Variants in MFHAS1 observed in about 807,000 individuals in gnomAD.
MFHAS1 encodes the protein malignant fibrous histiocytoma-amplified sequence 1.
Under a neutral mutation model 70.4 loss-of-function variants are expected in MFHAS1, and 50 were observed. The observed-to-expected ratio is 0.71, with a 90% CI of 0.57 to 0.90. The LOEUF (loss-of-function observed/expected upper bound fraction) is 0.90. MFHAS1 is among the 40% of genes least tolerant of loss of function. The pLI is 0.00. For synonymous variants in MFHAS1, 952 were observed against 620.0 expected (o/e 1.54, Z -7.96); for missense variants, 1,795 against 1,347.6 (o/e 1.33, Z -5.20).
chr8:8,785,955 G>C lies in MFHAS1; in HGVS notation c.*67C>G. Reference sequence around the variant, plus strand: ...TGGGGTGAGTGCAGAGGGTCTGCCAGGTGCAAAAGATGGTCCAGGTGTTCA... The same window carrying C: ...TGGGGTGAGTGCAGAGGGTCTGCCACGTGCAAAAGATGGTCCAGGTGTTCA... On this transcript the variant is annotated 3_prime_UTR_variant, in exon 3 of 3. Coordinates refer to ENST00000276282, the MANE Select transcript of MFHAS1 (RefSeq NM_004225.3). The C allele has an allele frequency of 2.0e-6, 3 of 1,507,968 alleles. No homozygotes were observed. Among genetic ancestry groups the C allele is most frequent in the Non-Finnish European group, 2.8e-6 (3 of 1,090,264 alleles). The allele number at this position is 1,507,968 out of a possible 1,614,324, so 93.4% of individuals were successfully genotyped here. A position where few individuals can be genotyped will look rare whatever the true frequency, so the allele number is the denominator to read the frequency against.
At chr8:8,883,418 C>T (rs1273521182) in intron 1 of MFHAS1, among the ~76,000 whole-genome samples, 1 of 151,974 alleles carries the variant, frequency 6.6e-6, no homozygotes, top group Admixed American at 6.6e-5. Context: ...TCAAAAAGGG[C>T]TCCCATGGGC....
chr8:8,791,443 A>C (rs762783697), intron 2 of MFHAS1, among the ~76,000 whole-genome samples: 4 of 152,178 alleles, frequency 2.6e-5, no homozygotes, highest in Non-Finnish European at 4.4e-5. Flanking sequence ...CAGTAGATAA[A>C]CTGGGTTATC....
intron 1 of MFHAS1, among the ~76,000 whole-genome samples, chr8:8,880,522 C>T (rs527671170): frequency 6.6e-6 from 1 of 152,204 alleles, no homozygotes; most frequent in Non-Finnish European, 1.5e-5. Context: ...ACACGCACAA[C>T]AGAAACCTCC....
rs11989848 is a variant in MFHAS1 at position 8,817,100 on chromosome 8, G to A, written c.2999-19609C>T. ...GAGATCAGGACACTGGCTGCTTTCA[G>A]TATAGAAGCACACAGCAATCTAGTG... On this transcript the variant is annotated intron_variant, in intron 1 of 2. Transcript: ENST00000276282. Among the ~76,000 whole-genome samples the A allele has an allele frequency of 4.6e-3, 704 of 152,272 alleles. 5 individuals carry two copies. Among genetic ancestry groups the A allele is most frequent in the African/African-American group, 0.015 (644 of 41,572 alleles).
At chr8:8,838,640 G>A (rs936883328) in intron 1 of MFHAS1, among the ~76,000 whole-genome samples, 3 of 151,866 alleles carry the variant, frequency 2.0e-5, no homozygotes, top group Admixed American at 1.3e-4. Context: ...TGGCAAAACC[G>A]TGTCTCTACT....
rs552175156 is a variant in MFHAS1, at chr8:8,891,746, G to A, written c.1313C>T (p.Pro438Leu). ...CLTEERVEGC[P>L]GGGDKEKCYP... ...GCACTTCTCCTTGTCCCCTCCTCCT[G>A]GGCATCCCTCCACTCTCTCCTCGGT... is the stretch of plus-strand genomic sequence containing the variant. The change falls in exon 1 of 3, where the codon CCA becomes CTA. Residue 438 changes from proline to leucine, a missense_variant. By Grantham distance (98) the Pro-to-Leu change is moderately conservative. Transcript: ENST00000276282. The surrounding 1 kb of genome is among the most constrained non-coding windows in gnomAD (Gnocchi z 5.4). 3.1e-6 allele frequency: 5 copies of A among 1,613,370 alleles called. No homozygotes were observed. The African/African-American group carries it at 4.0e-5, about 13-fold the overall frequency.
At chr8:8,836,570 G>C (rs574281449) in intron 1 of MFHAS1, among the ~76,000 whole-genome samples, 4 of 152,060 alleles carry the variant, frequency 2.6e-5, no homozygotes, top group African/African-American at 9.7e-5. Flanking sequence ...TGGAGGCAGG[G>C]TCTTCCTATG....
At chr8:8,885,136 C>A (rs948401102) in intron 1 of MFHAS1, among the ~76,000 whole-genome samples, 3 of 152,036 alleles carry the variant, frequency 2.0e-5, no homozygotes, top group African/African-American at 7.2e-5. Context: ...GTCAAATATG[C>A]TGTGTTGTCG....
rs918892015 is a variant in MFHAS1, at chr8:8,893,504, G to A, written c.-446C>T. On this transcript the variant is annotated 5_prime_UTR_variant, in exon 1 of 3. Coordinates refer to ENST00000276282, the MANE Select transcript of MFHAS1 (RefSeq NM_004225.3). ...CTCGGCCCGGCGGCGGGCATGCTGC[G>A]GGCGCAGGGCTGGGGCGCAGCCGCG... is the stretch of plus-strand genomic sequence containing the variant. The A allele has an allele frequency of 6.8e-6, 1 of 146,186 alleles. No individual in the cohort carries two copies. Among genetic ancestry groups the A allele is most frequent in the Non-Finnish European group, 1.5e-5 (1 of 65,690 alleles). The allele number at this position is 146,186 out of a possible 1,614,324, so 9.1% of individuals were successfully genotyped here. A position where few individuals can be genotyped will look rare whatever the true frequency, so the allele number is the denominator to read the frequency against.
intron 2 of MFHAS1, among the ~76,000 whole-genome samples, chr8:8,796,592 G>C (rs1805903962): frequency 6.7e-6 from 1 of 148,368 alleles, no homozygotes; most frequent in African/African-American, 2.5e-5. Context: ...GCTGAGGCAG[G>C]AGAATGGCCC....
At chr8:8,809,259 C>A (rs557538514) in intron 1 of MFHAS1, among the ~76,000 whole-genome samples, 1 of 152,080 alleles carries the variant, frequency 6.6e-6, no homozygotes, top group Admixed American at 6.5e-5. Flanking sequence ...ATAAAGTGCA[C>A]GACAAATGTA....
At chr8:8,872,128 T>C (rs1188305388) in intron 1 of MFHAS1, among the ~76,000 whole-genome samples, 1 of 152,170 alleles carries the variant, frequency 6.6e-6, no homozygotes, top group Non-Finnish European at 1.5e-5. Flanking sequence ...TCTGGGTCCA[T>C]GGGAGGCAAG....
At chr8:8,861,966 T>A (rs1333953965) in intron 1 of MFHAS1, among the ~76,000 whole-genome samples, 1 of 152,262 alleles carries the variant, frequency 6.6e-6, no homozygotes, top group African/African-American at 2.4e-5. Flanking sequence ...GTTTCCAGTA[T>A]GTGGCAATTG....
chr8:8,871,253 G>A (rs1679560947), intron 1 of MFHAS1, among the ~76,000 whole-genome samples: 1 of 152,096 alleles, frequency 6.6e-6, no homozygotes, highest in South Asian at 2.1e-4. Flanking sequence ...TTATTATATG[G>A]TAAAAACTAC....
Position 8,790,249 on chromosome 8 carries a change from T to C in MFHAS1, c.3126-4194A>G, listed in dbSNP as rs1159127389. On this transcript the variant is annotated intron_variant, in intron 2 of 2. Coordinates refer to ENST00000276282, the MANE Select transcript of MFHAS1 (RefSeq NM_004225.3). The stretch of plus-strand genomic sequence containing the variant: ...ATCTCTTCATCCCAACACCCCCATA[T>C]CCCCCCTAATCTCTCTGAGTCCTCA... The C allele has an allele frequency of 3.1e-5, 11 of 352,434 alleles. 1 individual carries two copies. Among genetic ancestry groups the C allele is most frequent in the Admixed American group, 1.9e-4 (3 of 15,412 alleles). The allele number at this position is 352,434 out of a possible 1,614,324, so 21.8% of individuals were successfully genotyped here.
In MFHAS1 at chr8:8,890,459, C is replaced by T. The variant is rs753471196; in HGVS notation, c.2600G>A (p.Gly867Glu). Residue 867 changes from glycine to glutamate, a missense_variant, in exon 1 of 3, where the codon GGG (glycine) becomes GAG (glutamate). Gly to Glu is a moderately conservative substitution (Grantham distance 98, BLOSUM62 -2). Transcript: ENST00000276282. ...AAAAGACTGCCCAGCTAGGTTGGTC[C>T]CATTAATCCAGGCTTCTGCATGGGG... ...EVPHAEAWINGTNLAGQSFVA... is the reference protein window; with the variant it reads ...EVPHAEAWINETNLAGQSFVA... 1 of 1,613,876 alleles carries T rather than the reference C, an allele frequency of 6.2e-7. No individual in the cohort carries two copies. Among genetic ancestry groups the T allele is most frequent in the Non-Finnish European group, 8.5e-7 (1 of 1,180,042 alleles).
chr8:8,789,012 GA>G (rs2117242730), intron 2 of MFHAS1, among the ~76,000 whole-genome samples: 1 of 152,308 alleles, frequency 6.6e-6, no homozygotes, highest in South Asian at 2.1e-4. Context: ...AACAGGGAGA[GA>G]TGTGATGAGG....
intron 1 of MFHAS1, among the ~76,000 whole-genome samples, chr8:8,856,025 T>C (rs1264364682): frequency 6.6e-6 from 1 of 152,188 alleles, no homozygotes; most frequent in Middle Eastern, 3.2e-3. Context: ...TCCTCACTTT[T>C]GTGCTTTGAA....
At chr8:8,868,716 C>G (rs1184318139) in intron 1 of MFHAS1, among the ~76,000 whole-genome samples, 1 of 152,146 alleles carries the variant, frequency 6.6e-6, no homozygotes, top group Non-Finnish European at 1.5e-5. Context: ...GGAGGCTCCT[C>G]TCATAAAGTC....
Sources: allele counts gnomAD v4.1 joint callset (sites outside exome capture counted in the v4.1 genomes callset), GRCh38; gene constraint gnomAD v4.1.1; non-coding constraint Gnocchi (gnomAD v3.1); transcripts MANE v1.5; gene names NCBI Gene and HGNC (gene_info 2026-07-23, HGNC 2026-07-21).